Variants in WASL observed in about 807,000 individuals in gnomAD.
WASL encodes actin nucleation-promoting factor WASL.
A neutral mutation model predicts 55.5 loss-of-function variants in WASL; 20 were observed. The observed-to-expected ratio is 0.36, with a 90% CI of 0.25 to 0.52. The LOEUF is 0.52. WASL is among the 20% of genes least tolerant of loss of function. The pLI, the probability that WASL is intolerant of heterozygous loss-of-function variation, is 0.92. For missense variants in WASL, 504 were observed against 622.5 expected (o/e 0.81, Z 2.03); for synonymous variants, 249 against 217.6 (o/e 1.14, Z -1.27).
intron 1 of WASL, among the ~76,000 whole-genome samples, chr7:123,715,443 A>G (rs929778816): frequency 6.6e-5 from 10 of 152,214 alleles, no homozygotes; most frequent in African/African-American, 1.2e-4. Context: ...TGATACTGCT[A>G]TAAGTCACAA....
At chr7:123,693,823 G>C (rs1803451404) in intron 8 of WASL, among the ~76,000 whole-genome samples, 1 of 152,154 alleles carries the variant, frequency 6.6e-6, no homozygotes, top group Admixed American at 6.5e-5. Flanking sequence ...AAAATTAGCA[G>C]GGTGTAGTGG....
intron 5 of WASL, among the ~76,000 whole-genome samples, 192 bp from the exon 6 acceptor site, chr7:123,696,939 G>A (rs980699623): frequency 6.6e-5 from 10 of 152,002 alleles, no homozygotes; most frequent in African/African-American, 2.4e-4. Context: ...TGAAATGAGT[G>A]TAGATGCACT....
In WASL at chr7:123,684,303, C is replaced by T; in HGVS notation, c.*216G>A. The T allele has an allele frequency of 4.6e-6, 1 of 216,826 alleles. No homozygotes were observed. Among genetic ancestry groups the T allele is most frequent in the Non-Finnish European group, 9.1e-6 (1 of 110,156 alleles). The allele number at this position is 216,826 out of a possible 1,614,324, so 13.4% of individuals were successfully genotyped here. ...AATCAAGTGAGCATCCTGGTGTAAA[C>T]TTGCACACAATAACAGGGAGTAGCT... On this transcript the variant is annotated 3_prime_UTR_variant, in exon 11 of 11. Transcript: ENST00000223023.
intron 1 of WASL, among the ~76,000 whole-genome samples, chr7:123,725,273 T>G (rs1405794371): frequency 6.6e-6 from 1 of 152,222 alleles, no homozygotes; most frequent in Non-Finnish European, 1.5e-5. Context: ...AAATTTAATG[T>G]TCTATTAAAT....
intron 1 of WASL, among the ~76,000 whole-genome samples, chr7:123,727,189 G>A (rs1390455250): frequency 1.3e-5 from 2 of 152,088 alleles, no homozygotes; most frequent in Non-Finnish European, 2.9e-5. Context: ...ATAAAATACT[G>A]GAGATGTGGA....
At chr7:123,693,998 T>C (rs957475788) in intron 8 of WASL, among the ~76,000 whole-genome samples, 7 of 152,198 alleles carry the variant, frequency 4.6e-5, no homozygotes, top group African/African-American at 1.4e-4. Context: ...ATAAGTAAAC[T>C]GAATGCCTAA....
chr7:123,700,174 T>C (rs1172442784), intron 5 of WASL, among the ~76,000 whole-genome samples: 1 of 23,532 alleles, frequency 4.2e-5, no homozygotes, highest in East Asian at 1.2e-3. Flanking sequence ...AAACTCCGTC[T>C]CAAAAAAAAA....
chr7:123,743,230 G>A (rs536900252), intron 1 of WASL, among the ~76,000 whole-genome samples: 7 of 152,080 alleles, frequency 4.6e-5, no homozygotes, highest in East Asian at 1.9e-4. Context: ...CCAGCTACTT[G>A]GGAGGCTGAG....
chr7:123,742,375 A>T (rs55704563), intron 1 of WASL, among the ~76,000 whole-genome samples: 2,017 of 152,332 alleles, frequency 0.013, 51 homozygotes, highest in African/African-American at 0.047. Context: ...TTACAAAAAA[A>T]TTTAAGAAAA....
Position 123,748,700 on chromosome 7 carries a change from C to G in WASL, c.35G>C (p.Arg12Pro). 2 of 1,600,060 alleles carry G rather than the reference C, an allele frequency of 1.2e-6. No homozygotes were observed. Among genetic ancestry groups the G allele is most frequent in the Non-Finnish European group, 1.7e-6 (2 of 1,172,244 alleles). ...SSVQQQPPPP[R>P]RVTNVGSLLL... is the part of the protein sequence containing the mutation. The stretch of plus-strand genomic sequence containing the variant: ...CAGGGACCCCACGTTGGTGACCCTC[C>G]GCGGCGGCGGCGGCTGCTGCTGGAC... Residue 12 changes from arginine to proline, a missense_variant, in exon 1 of 11, where the codon CGG (arginine) becomes CCG (proline). Arg to Pro is a moderately radical substitution (Grantham distance 103). Around this residue, in one of 5 missense-constraint regions of WASL, gnomAD observed 230 missense variants for 271.9 expected, o/e 0.85. Transcript: ENST00000223023.
At chr7:123,747,089 C>T (rs371745237) in intron 1 of WASL, among the ~76,000 whole-genome samples, 6 of 152,138 alleles carry the variant, frequency 3.9e-5, no homozygotes, top group African/African-American at 1.4e-4. Flanking sequence ...TTCTTTAACA[C>T]CACTTTTAGA....
chr7:123,746,898 T>C (rs758071840), intron 1 of WASL, among the ~76,000 whole-genome samples: 26 of 152,226 alleles, frequency 1.7e-4, no homozygotes, highest in Non-Finnish European at 2.6e-4. Flanking sequence ...GCACAACTAC[T>C]TCCTTTTTGA....
At chr7:123,726,652 G>A (rs1021798486) in intron 1 of WASL, among the ~76,000 whole-genome samples, 1 of 152,168 alleles carries the variant, frequency 6.6e-6, no homozygotes, top group African/African-American at 2.4e-5. Context: ...ATTACTTGAG[G>A]TCAGGAGTTC....
chr7:123,688,894 A>G, intron 10 of WASL, 148 bp downstream of exon 10: 1 of 719,894 alleles, frequency 1.4e-6, no homozygotes, highest in African/African-American at 1.7e-5. Context: ...TACATCCTAG[A>G]GCCCACATCA....
At position 123,739,904 on chromosome 7, in the gene WASL, GTGTGTGTGTGTATATA is replaced by G. The variant is rs1359278058; in HGVS notation, c.117+8698_117+8713del. Among the ~76,000 whole-genome samples, 42 of 97,304 alleles carry G rather than the reference GTGTGTGTGTGTATATA, an allele frequency of 4.3e-4. No individual in the cohort carries two copies. The East Asian group carries it at 5.8e-3, about 13-fold the overall frequency. The allele number at this position is 97,304 out of a possible 152,430, so 63.8% of individuals were successfully genotyped here. A position where few individuals can be genotyped will look rare whatever the true frequency, so the allele number is the denominator to read the frequency against. On this transcript the variant is annotated intron_variant, in intron 1 of 10. Coordinates refer to ENST00000223023, the MANE Select transcript of WASL (RefSeq NM_003941.4). ...TGTGTGTGTGTGTGTGTGTGTGTGT[GTGTGTGTGTGTATATA>G]TATATATATATGCTGGTTTGCAGCA...
chr7:123,720,339 A>G (rs1803921484), intron 1 of WASL: 1 of 434,904 alleles, frequency 2.3e-6, no homozygotes, highest in Admixed American at 2.6e-5. Context: ...GATACCATAC[A>G]GCTGCAAAAA....
intron 1 of WASL, among the ~76,000 whole-genome samples, chr7:123,721,205 T>C (rs895469708): frequency 1.3e-5 from 2 of 152,250 alleles, no homozygotes; most frequent in African/African-American, 2.4e-5. Flanking sequence ...AAATTTTTTG[T>C]CTTCCATATT....
intron 1 of WASL, among the ~76,000 whole-genome samples, chr7:123,738,165 T>C (rs975655364): frequency 1.3e-4 from 16 of 120,824 alleles, no homozygotes; most frequent in Admixed American, 1.1e-3. Context: ...CACCCATTAA[T>C]AGAGGTTAAT....
chr7:123,694,893 TATAAAAATA>T, intron 7 of WASL, 25 bp from the exon 8 acceptor site: 1 of 1,580,798 alleles, frequency 6.3e-7, no homozygotes, highest in Non-Finnish European at 8.6e-7. Context: ...AACTGCTAAC[TATAAAAATA>T]TATCCCAATT....
Sources: gnomAD v4.1 joint callset for allele counts (sites outside exome capture counted in the v4.1 genomes callset) on GRCh38, gnomAD v4.1.1 for gene constraint, gnomAD v4.1.1 regional missense constraint, MANE v1.5 for transcripts, NCBI Gene and HGNC (gene_info 2026-07-23, HGNC 2026-07-21) for gene names.